PI4K2B: variants seen among roughly 807,000 people sequenced by gnomAD.
The protein encoded by PI4K2B is phosphatidylinositol 4-kinase type 2 beta.
Under a neutral mutation model 56.6 loss-of-function variants are expected in PI4K2B, and 46 were observed. That is an observed-to-expected ratio of 0.81 (90% CI 0.64 to 1.04). The LOEUF is 1.04. PI4K2B is among the 50% of genes least tolerant of loss of function. The pLI is 0.00. For missense variants in PI4K2B, 556 were observed against 607.7 expected, an observed-to-expected ratio of 0.91 and a Z score of 0.89; for synonymous variants, 211 against 223.8, an observed-to-expected ratio of 0.94 and a Z score of 0.51.
intron 1 of PI4K2B, among the ~76,000 whole-genome samples, chr4:25,248,382 T>C (rs2109092180): frequency 6.6e-6 from 1 of 152,270 alleles, no homozygotes; most frequent in Non-Finnish European, 1.5e-5. Context: ...AGCAGTGAAA[T>C]AAGTTCTCGT....
At chr4:25,270,887 G>T (rs1250789346) in intron 9 of PI4K2B, among the ~76,000 whole-genome samples, 3 of 152,194 alleles carry the variant, frequency 2.0e-5, no homozygotes, top group Non-Finnish European at 4.4e-5. Context: ...TAAGGTAGCT[G>T]TTTGCCACAA....
chr4:25,259,849 G>T (rs1716395506), intron 5 of PI4K2B, among the ~76,000 whole-genome samples: 1 of 152,222 alleles, frequency 6.6e-6, no homozygotes, highest in African/African-American at 2.4e-5. Flanking sequence ...CAAAGCAGGG[G>T]CTCCCCATTG....
At chr4:25,271,834 A>G (rs1716906341) in intron 9 of PI4K2B, among the ~76,000 whole-genome samples, 1 of 152,218 alleles carries the variant, frequency 6.6e-6, no homozygotes, top group Admixed American at 6.5e-5. Context: ...TTAACACCTG[A>G]GGAATTTAAA....
chr4:25,265,052 G>A (rs531635279), intron 7 of PI4K2B, among the ~76,000 whole-genome samples: 6 of 151,424 alleles, frequency 4.0e-5, no homozygotes, highest in East Asian at 1.9e-4. Context: ...AAAATTAGCC[G>A]GGTGTGGTGA....
intron 1 of PI4K2B, among the ~76,000 whole-genome samples, chr4:25,244,233 C>A (rs185517693): frequency 6.6e-6 from 1 of 152,078 alleles, no homozygotes; most frequent in East Asian, 1.9e-4. Context: ...ACCAATAGCC[C>A]GGGGGTTTGT....
At chr4:25,260,181 G>T (rs1409893022) in intron 5 of PI4K2B, among the ~76,000 whole-genome samples, 1 of 152,108 alleles carries the variant, frequency 6.6e-6, no homozygotes, top group African/African-American at 2.4e-5. Flanking sequence ...GAAATAGGGG[G>T]TTAATGCTTT....
chr4:25,276,515 G>A (rs74779890), intron 9 of PI4K2B: 8,179 of 329,064 alleles, frequency 0.025, 145 homozygotes, highest in African/African-American at 0.052. Flanking sequence ...TAAGCTCTAC[G>A]AAGGCAGCAA....
At chr4:25,265,349 T>C (rs1036577315) in intron 7 of PI4K2B, among the ~76,000 whole-genome samples, 6 of 152,152 alleles carry the variant, frequency 3.9e-5, no homozygotes, top group Non-Finnish European at 7.4e-5. Context: ...ATTTATGCTC[T>C]TTTTCCCCAG....
At chr4:25,238,237 A>G (rs1287388987) in intron 1 of PI4K2B, among the ~76,000 whole-genome samples, 1 of 152,236 alleles carries the variant, frequency 6.6e-6, no homozygotes, top group Admixed American at 6.5e-5. Context: ...AAACACAATC[A>G]TGTGGTCTAT....
chr4:25,270,395 G>C (rs1010292207), intron 9 of PI4K2B, among the ~76,000 whole-genome samples: 8 of 151,648 alleles, frequency 5.3e-5, no homozygotes, highest in African/African-American at 1.9e-4. Flanking sequence ...GCCCAGGCTG[G>C]AGTGCAATGG....
At position 25,259,135 on chromosome 4, in the gene PI4K2B, AT is replaced by A. The variant is rs1254817433; in HGVS notation, c.858del (p.Gln287SerfsTer7). ...CTTTGCCTGAGAATATTAGAAAACAATTTCAGTCACAATTTGAAAGATTAGT... is the reference window on the plus strand; with the variant it reads ...CTTTGCCTGAGAATATTAGAAAACAATTCAGTCACAATTTGAAAGATTAGT... ...DPLPENIRKQ[F>X]QSQFERLVIL... On this transcript the variant is annotated frameshift_variant, in exon 5 of 10. Coordinates refer to ENST00000264864, the MANE Select transcript of PI4K2B (RefSeq NM_018323.4). LOFTEE classifies it high-confidence loss of function. The A allele has an allele frequency of 6.3e-7, 1 of 1,582,416 alleles. No individual in the cohort carries two copies. The highest frequency in any genetic ancestry group is 1.1e-5 in the South Asian group (1 of 89,858).
chr4:25,244,061 C>T (rs1369520801), intron 1 of PI4K2B, among the ~76,000 whole-genome samples: 1 of 152,166 alleles, frequency 6.6e-6, no homozygotes, highest in Admixed American at 6.5e-5. Context: ...CAAGCAAGGT[C>T]GAAGGTTTGC....
At chr4:25,266,213 G>C (rs1022723714) in intron 7 of PI4K2B, among the ~76,000 whole-genome samples, 2 of 152,058 alleles carry the variant, frequency 1.3e-5, no homozygotes, top group East Asian at 3.9e-4. Context: ...TGTCATCTAG[G>C]CTGGATTGCA....
chr4:25,258,894 A>G (rs977457704), intron 4 of PI4K2B, 143 bp from the exon 5 acceptor site: 9 of 467,778 alleles, frequency 1.9e-5, no homozygotes, highest in Non-Finnish European at 3.1e-5. Flanking sequence ...GGTTTTCTTG[A>G]TAAATGTGGC....
In PI4K2B at chr4:25,235,162, A is replaced by G. The variant is rs369045801; in HGVS notation, c.268+731A>G. Among the ~76,000 whole-genome samples the G allele has an allele frequency of 1.2e-3, 178 of 152,304 alleles. 2 individuals are homozygous for G. The South Asian group carries it at 0.021, about 18-fold the overall frequency. On this transcript the variant is annotated intron_variant, in intron 1 of 9. Coordinates refer to ENST00000264864, the MANE Select transcript of PI4K2B (RefSeq NM_018323.4). The stretch of plus-strand genomic sequence containing the variant: ...AAAGTGAGTTTTTCTGGCGTGTTGA[A>G]TGGAGTTAGACAAATGTGATGGAAA...
At chr4:25,239,012 C>G (rs556621770) in intron 1 of PI4K2B, among the ~76,000 whole-genome samples, 2 of 152,146 alleles carry the variant, frequency 1.3e-5, no homozygotes, top group Non-Finnish European at 2.9e-5. Context: ...GAGCTAGACA[C>G]AAAAGTTCTC....
At chr4:25,246,475 A>G (rs940520783) in intron 1 of PI4K2B, among the ~76,000 whole-genome samples, 2 of 152,200 alleles carry the variant, frequency 1.3e-5, no homozygotes, top group African/African-American at 4.8e-5. Flanking sequence ...CTAGATACAG[A>G]GTGCTGATTG....
chr4:25,273,297 A>G (rs1236225955), intron 9 of PI4K2B, among the ~76,000 whole-genome samples: 1 of 152,214 alleles, frequency 6.6e-6, no homozygotes, highest in Non-Finnish European at 1.5e-5. Flanking sequence ...CTTATAAGCA[A>G]TGTGAAATAT....
Position 25,268,511 on chromosome 4 carries a change from C to T in PI4K2B, c.1147C>T (p.Leu383=). 6.3e-7 allele frequency: 1 copy of T among 1,597,326 alleles called. No individual in the cohort carries two copies. Among genetic ancestry groups the T allele is most frequent in the Non-Finnish European group, 8.6e-7 (1 of 1,168,170 alleles). The change falls in exon 8 of 10, where the codon CTA becomes TTA. Residue 383 remains leucine, a synonymous_variant. Coordinates refer to ENST00000264864, the MANE Select transcript of PI4K2B (RefSeq NM_018323.4). The stretch of plus-strand genomic sequence containing the variant: ...TTCTGAAGAAATAAGAAATTTGATT[C>T]TACCATATATTTCTGACATGAACTT... ...PFSEEIRNLI[L]PYISDMNFVQ...
Sources: allele counts gnomAD v4.1 joint callset (sites outside exome capture counted in the v4.1 genomes callset), GRCh38; gene constraint gnomAD v4.1.1; transcripts MANE v1.5; gene names NCBI Gene and HGNC (gene_info 2026-07-23, HGNC 2026-07-21).